Variants in NXN observed in about 807,000 individuals in gnomAD.
NXN encodes nucleoredoxin.
In NXN, 16 loss-of-function variants were observed where a neutral mutation model predicts 48.6. The observed-to-expected ratio is 0.33, with a 90% CI of 0.22 to 0.50. The LOEUF (loss-of-function observed/expected upper bound fraction) is 0.50, where lower values mean the gene tolerates loss of function less well. NXN is among the 20% of genes least tolerant of loss of function. The probability of loss-of-function intolerance (pLI) is 0.98; values close to 1 mark genes in which losing one functional copy is unlikely to be tolerated. For missense variants in NXN, 492 were observed against 605.5 expected, an observed-to-expected ratio of 0.81 and a Z score of 1.97; for synonymous variants, 281 against 269.6, an observed-to-expected ratio of 1.04 and a Z score of -0.41.
chr17:979,156 A>C (rs1597296478), intron 1 of NXN, among the ~76,000 whole-genome samples, 163 bp downstream of exon 1: 1 of 54,046 alleles, frequency 1.9e-5, no homozygotes, highest in South Asian at 9.5e-4. Context: ...CGGGGAGAGG[A>C]CAGTGGGTCG....
chr17:929,550 T>TGG (rs2068833445), intron 1 of NXN: 1 of 152,194 alleles, frequency 6.6e-6, no homozygotes, highest in South Asian at 2.1e-4. Flanking sequence ...CCAGGAAGGC[T>TGG]GGGCTTATTG....
intron 1 of NXN, among the ~76,000 whole-genome samples, chr17:885,726 G>C (rs2068338946): frequency 7.6e-6 from 1 of 131,670 alleles, no homozygotes. Flanking sequence ...TGTCCCCCAG[G>C]CTGGAGTGCA....
At chr17:834,435 T>C (rs1186107810) in intron 1 of NXN, among the ~76,000 whole-genome samples, 2 of 151,288 alleles carry the variant, frequency 1.3e-5, no homozygotes, top group South Asian at 4.2e-4. Context: ...AGGGTGCATT[T>C]TGTTAGTCTT....
intron 1 of NXN, among the ~76,000 whole-genome samples, chr17:972,347 G>A (rs997987261): frequency 6.7e-6 from 1 of 150,306 alleles, no homozygotes; most frequent in Non-Finnish European, 1.5e-5. Flanking sequence ...CGTGGTGGCT[G>A]GCGCCTGTAA....
chr17:969,042 T>C (rs2069341120), intron 1 of NXN, among the ~76,000 whole-genome samples: 1 of 152,062 alleles, frequency 6.6e-6, no homozygotes, highest in Non-Finnish European at 1.5e-5. Flanking sequence ...AATAAATAAC[T>C]AGGTGCTTTG....
intron 4 of NXN, 80 bp from the exon 5 acceptor site, chr17:819,625 C>A: frequency 9.8e-7 from 1 of 1,021,416 alleles, no homozygotes; most frequent in South Asian, 1.5e-5. Context: ...CTGCCGAGTT[C>A]TGCCCAGGGA....
chr17:940,638 A>G (rs8079910), intron 1 of NXN, among the ~76,000 whole-genome samples: 133,186 of 150,462 alleles, frequency 0.89, 59,701 homozygotes, highest in Non-Finnish European at 0.96. Flanking sequence ...ATTCCAGGGC[A>G]CAGCCATGAA....
intron 1 of NXN, among the ~76,000 whole-genome samples, chr17:857,559 C>G (rs1370383558): frequency 6.6e-6 from 1 of 152,146 alleles, no homozygotes. Context: ...CACACCCAGC[C>G]TAAACACCAA....
At chr17:881,394 C>A (rs2068282296) in intron 1 of NXN, among the ~76,000 whole-genome samples, 1 of 152,154 alleles carries the variant, frequency 6.6e-6, no homozygotes, top group Non-Finnish European at 1.5e-5. Flanking sequence ...TACCACCACA[C>A]TCGAAAATTT....
chr17:954,105 C>T (rs2069141587), intron 1 of NXN, among the ~76,000 whole-genome samples: 1 of 152,064 alleles, frequency 6.6e-6, no homozygotes, highest in South Asian at 2.1e-4. Flanking sequence ...TGGCCAGGCG[C>T]CGTGGCTCAT....
chr17:928,799 G>A (rs1016007625), intron 1 of NXN, among the ~76,000 whole-genome samples: 1 of 152,108 alleles, frequency 6.6e-6, no homozygotes, highest in Non-Finnish European at 1.5e-5. Flanking sequence ...TCATGCCACT[G>A]CGCTCCAGCC....
chr17:803,627 G>C, intron 7 of NXN, 55 bp downstream of exon 7: 2 of 1,611,450 alleles, frequency 1.2e-6, no homozygotes, highest in South Asian at 2.2e-5. Flanking sequence ...GATCAGTCCT[G>C]TGCCAGAAGT....
intron 1 of NXN, among the ~76,000 whole-genome samples, chr17:852,540 CCAA>C (rs1430852755): frequency 6.6e-6 from 1 of 152,154 alleles, no homozygotes; most frequent in African/African-American, 2.4e-5. Context: ...AAAAGAAAAC[CCAA>C]CACTTCCTTT....
chr17:979,506 C>T lies in NXN; in HGVS notation c.173G>A (p.Gly58Glu). ...QLSASLAAFY[G>E]RLRGDAAAGP... ...GGCCGCCGCGTCCCCCCGCAGGCGC[C>T]CGTAGAAGGCGGCCAGGCTGGCGCT... The change falls in exon 1 of 8, where the codon GGG (glycine) becomes GAG (glutamate). Residue 58 changes from glycine to glutamate, a missense_variant. Transcript: ENST00000336868. 8.1e-7 allele frequency: 1 copy of T among 1,238,144 alleles called. No individual in the cohort carries two copies. Among genetic ancestry groups the T allele is most frequent in the Non-Finnish European group, 1.0e-6 (1 of 985,878 alleles). The allele number at this position is 1,238,144 out of a possible 1,614,324, so 76.7% of individuals were successfully genotyped here. A position where few individuals can be genotyped will look rare whatever the true frequency, so the allele number is the denominator to read the frequency against.
At chr17:970,615 T>C (rs1245057298) in intron 1 of NXN, among the ~76,000 whole-genome samples, 1 of 152,186 alleles carries the variant, frequency 6.6e-6, no homozygotes, top group Non-Finnish European at 1.5e-5. Flanking sequence ...CTGAAGAGGC[T>C]TGCTGCTCCT....
At chr17:811,920 C>CTT (rs34383551) in intron 5 of NXN, among the ~76,000 whole-genome samples, 871 of 73,206 alleles carry the variant, frequency 0.012, no homozygotes, top group Middle Eastern at 0.028. Flanking sequence ...CCCAGTTCTG[C>CTT]TTTTTTTTTT....
chr17:965,745 G>C (rs1413737936), intron 1 of NXN, among the ~76,000 whole-genome samples: 2 of 152,280 alleles, frequency 1.3e-5, no homozygotes, highest in East Asian at 3.9e-4. Context: ...ACAGAGCTAA[G>C]AAGGGGCTTT....
chr17:970,709 G>A (rs903900097), intron 1 of NXN, among the ~76,000 whole-genome samples: 2 of 152,192 alleles, frequency 1.3e-5, no homozygotes, highest in South Asian at 2.1e-4. Flanking sequence ...ATTTAAGGGA[G>A]TTCAGCCAAG....
At chr17:847,500 G>A (rs2067877354) in intron 1 of NXN, among the ~76,000 whole-genome samples, 1 of 152,206 alleles carries the variant, frequency 6.6e-6, no homozygotes, top group Non-Finnish European at 1.5e-5. Flanking sequence ...CCGGTCCACA[G>A]CGGTAATGTC....
Sources: gnomAD v4.1 joint callset for allele counts (sites outside exome capture counted in the v4.1 genomes callset) on GRCh38, gnomAD v4.1.1 for gene constraint, MANE v1.5 for transcripts, NCBI Gene and HGNC (gene_info 2026-07-23, HGNC 2026-07-21) for gene names.